FAT2: variants seen among roughly 807,000 people sequenced by gnomAD.
FAT2 encodes protocadherin Fat 2.
In FAT2, 150 loss-of-function variants were observed where a neutral mutation model predicts 295.3. The ratio of observed to expected loss-of-function variants is 0.51; its 90% confidence interval spans 0.44 to 0.58. The LOEUF is 0.58. Ranked by LOEUF, FAT2 falls within the 20% of genes least tolerant of loss-of-function variation. The pLI is 0.00. For missense variants in FAT2, 4,868 were observed against 5,442.7 expected (o/e 0.89, Z 3.32); for synonymous variants, 2,026 against 2,150.3 (o/e 0.94, Z 1.60).
At position 151,566,096 on chromosome 5, in the gene FAT2, A is replaced by C. The variant is rs764440998; in HGVS notation, c.2836T>G (p.Phe946Val). Residue 946 changes from phenylalanine to valine, a missense_variant, in exon 2 of 24, where the codon TTT becomes GTT. By Grantham distance (50) the Phe-to-Val change is conservative. Coordinates refer to ENST00000261800, the MANE Select transcript of FAT2 (RefSeq NM_001447.3). ...EDLPPGTVLT[F>V]LDASDPDLGP... ...AGGTCAGGATCAGAGGCATCCAGAA[A>C]TGTCAAGACAGTCCCGGGGGGCAGG... 5 of 1,614,116 alleles carry C rather than the reference A, an allele frequency of 3.1e-6. No homozygotes were observed. In the East Asian group the frequency reaches 1.1e-4, roughly 36 times the overall value.
Position 151,567,717 on chromosome 5 carries a change from T to A in FAT2, c.1215A>T (p.Gly405=). ...YVLKPSSENV[G]FKLNARTGLI... ...ACCCAGTTCGAGCATTAAGTTTAAA[T>A]CCTACATTCTCTGAAGATGGCTTTA... Residue 405 remains glycine, a synonymous_variant, in exon 2 of 24, where the codon GGA becomes GGT. Coordinates refer to ENST00000261800, the MANE Select transcript of FAT2 (RefSeq NM_001447.3). The A allele has an allele frequency of 6.2e-7, 1 of 1,614,158 alleles. No individual in the cohort carries two copies. Among genetic ancestry groups the A allele is most frequent in the Non-Finnish European group, 8.5e-7 (1 of 1,180,036 alleles).
intron 3 of FAT2, among the ~76,000 whole-genome samples, chr5:151,563,024 TG>T (rs1758087890): frequency 6.6e-6 from 1 of 152,178 alleles, no homozygotes. Flanking sequence ...TTAGTTTCCT[TG>T]GGCCCCAAGG....
At chr5:151,529,928 G>A (rs774587133) in intron 14 of FAT2, among the ~76,000 whole-genome samples, 5 of 152,226 alleles carry the variant, frequency 3.3e-5, no homozygotes, top group South Asian at 2.1e-4. Flanking sequence ...TGCCTTTCCC[G>A]GCTAACCAAA....
Position 151,507,215 on chromosome 5 carries a change from C to T in FAT2, c.12456G>A (p.Ala4152=), listed in dbSNP as rs748130207. 13 of 1,612,200 alleles carry T rather than the reference C, an allele frequency of 8.1e-6. No individual in the cohort carries two copies. The highest frequency in any genetic ancestry group is 1.3e-5 in the African/African-American group (1 of 74,886). The change falls in exon 23 of 24, where the codon GCG becomes GCA. Residue 4152 remains alanine, a synonymous_variant. Coordinates refer to ENST00000261800, the MANE Select transcript of FAT2 (RefSeq NM_001447.3). The part of the protein sequence containing the change: ...CSVPPRLPPA[A]VPSHSDNEPV... Reference sequence around the variant, plus strand: ...GCTCATTGTCAGAGTGGGAAGGGACCGCAGCTGGCGGGAGTCTGGGGGGCA... The same window carrying T: ...GCTCATTGTCAGAGTGGGAAGGGACTGCAGCTGGCGGGAGTCTGGGGGGCA...
intron 12 of FAT2, among the ~76,000 whole-genome samples, chr5:151,537,321 GAA>G (rs759472487): frequency 4.4e-5 from 1 of 22,534 alleles, no homozygotes; most frequent in African/African-American, 1.9e-4. Flanking sequence ...AAAAGAAAGA[GAA>G]AAAAAGAAAG....
Position 151,531,657 on chromosome 5 carries a change from G to T in FAT2, c.9741C>A (p.Gly3247=), listed in dbSNP as rs772008822. The change falls in exon 14 of 24, where the codon GGC becomes GGA. Residue 3247 remains glycine (G), a synonymous_variant. Transcript: ENST00000261800. The surrounding 1 kb of genome is among the most constrained non-coding windows in gnomAD (Gnocchi z 5.7). ...VLQLATLTRP[G]AEKTGYRVVS... ...CCACGCGGTAGCCGGTCTTCTCTGC[G>T]CCCGGGCGAGTGAGGGTGGCCAGCT... The T allele has an allele frequency of 9.3e-6, 15 of 1,613,612 alleles. No individual in the cohort carries two copies. Among genetic ancestry groups the T allele is most frequent in the Non-Finnish European group, 1.3e-5 (15 of 1,179,930 alleles).
intron 1 of FAT2, among the ~76,000 whole-genome samples, chr5:151,582,531 G>A (rs1227398850): frequency 6.6e-6 from 1 of 152,162 alleles, no homozygotes; most frequent in Non-Finnish European, 1.5e-5. Flanking sequence ...TGTTCAACAA[G>A]TTCCCTGGGT....
In FAT2 at chr5:151,530,265, A is replaced by G. The variant is rs558222627; in HGVS notation, c.9812-873T>C. Among the ~76,000 whole-genome samples, 8 of 150,282 alleles carry G rather than the reference A, an allele frequency of 5.3e-5. No individual in the cohort carries two copies. In the South Asian group the frequency reaches 1.7e-3, roughly 32 times the overall value. On this transcript the variant is annotated intron_variant, in intron 14 of 23. Transcript: ENST00000261800. ...TCTTAACACCAGAAAAAAAAAAAAA[A>G]GCCAGTTAGCTCTTATGTGCGTCCA...
rs1328231526 is a variant in FAT2, at chr5:151,566,879, G to A, written c.2053C>T (p.His685Tyr). ...VLTQFTKTIL[H>Y]FIGLQNQESS... ...TCCTGGTTCTGAAGCCCAATAAAGT[G>A]GAGGATAGTCTTTGTGAATTGTGTC... The change falls in exon 2 of 24, where the codon CAC becomes TAC. Residue 685 changes from histidine (H) to tyrosine (Y), a missense_variant. His to Tyr is a moderately conservative substitution (Grantham distance 83). Coordinates refer to ENST00000261800, the MANE Select transcript of FAT2 (RefSeq NM_001447.3). 1.9e-6 allele frequency: 3 copies of A among 1,614,168 alleles called. No individual in the cohort carries two copies. Among genetic ancestry groups the A allele is most frequent in the South Asian group, 1.1e-5 (1 of 91,090 alleles).
chr5:151,529,751 A>G (rs2127589221), intron 14 of FAT2, among the ~76,000 whole-genome samples: 1 of 152,342 alleles, frequency 6.6e-6, no homozygotes, highest in Middle Eastern at 3.4e-3. Context: ...ATTGACCTAG[A>G]TGCTCTAATA....
chr5:151,591,415 G>C (rs780998458), upstream of FAT2, among the ~76,000 whole-genome samples: 1 of 152,192 alleles, frequency 6.6e-6, no homozygotes, highest in Non-Finnish European at 1.5e-5. Flanking sequence ...TCTGTCTCAC[G>C]GAGAGGGAGG....
At chr5:151,558,686 G>T (rs1561868133) in intron 3 of FAT2, among the ~76,000 whole-genome samples, 1 of 152,066 alleles carries the variant, frequency 6.6e-6, no homozygotes, top group Non-Finnish European at 1.5e-5. Context: ...AAACCATGAA[G>T]TGACAGCATT....
chr5:151,592,685 C>T (rs1181003443), upstream of FAT2, among the ~76,000 whole-genome samples: 1 of 152,178 alleles, frequency 6.6e-6, no homozygotes, highest in Non-Finnish European at 1.5e-5. Flanking sequence ...TTTGTTAAGT[C>T]TCTGTCTCCG....
intron 1 of FAT2, among the ~76,000 whole-genome samples, chr5:151,586,510 G>C (rs1033225282): frequency 3.9e-5 from 6 of 152,140 alleles, no homozygotes; most frequent in African/African-American, 1.4e-4. Context: ...TTAATCAATG[G>C]GTAGTGGTGG....
At chr5:151,526,145 G>T (rs1753959697) in intron 17 of FAT2, among the ~76,000 whole-genome samples, 180 bp from the exon 18 acceptor site, 1 of 152,192 alleles carries the variant, frequency 6.6e-6, no homozygotes, top group South Asian at 2.1e-4. Context: ...TGTTGACTTT[G>T]CTGTCTAGAC....
upstream of FAT2, among the ~76,000 whole-genome samples, chr5:151,592,524 T>C (rs867106547): frequency 5.1e-4 from 77 of 152,174 alleles, no homozygotes; most frequent in Middle Eastern, 6.8e-3. Flanking sequence ...GCTTATCACC[T>C]CTCCCAGCAA....
rs960322457 is a variant in FAT2, at chr5:151,554,776, C to T, written c.3634-103G>A. ...TAGTCACTTTGTTCTTTGGTATGAG[C>T]TTGTACTTTTTATTATCATAACTTC... On this transcript the variant is annotated intron_variant, in intron 4 of 23. Transcript: ENST00000261800. 4 of 912,016 alleles carry T rather than the reference C, an allele frequency of 4.4e-6. No individual in the cohort carries two copies. The African/African-American group carries it at 6.9e-5, about 16-fold the overall frequency. The allele number at this position is 912,016 out of a possible 1,614,324, so 56.5% of individuals were successfully genotyped here.
At position 151,563,398 on chromosome 5, in the gene FAT2, G is replaced by A. The variant is rs2127641645; in HGVS notation, c.3501C>T (p.Ser1167=). The change falls in exon 3 of 24, where the codon AGC becomes AGT. Residue 1167 remains serine, a synonymous_variant. Coordinates refer to ENST00000261800, the MANE Select transcript of FAT2 (RefSeq NM_001447.3). ...TGTTGAAGGTCAGCTTCCCTTTGGA[G>A]CTGGAGTCTGGGTCCCAGGCATCCA... The part of the protein sequence containing the change: ...LQLDAWDPDS[S]SKGKLTFNIT... The A allele has an allele frequency of 6.2e-7, 1 of 1,614,218 alleles. No individual in the cohort carries two copies. The highest frequency in any genetic ancestry group is 8.5e-7 in the Non-Finnish European group (1 of 1,180,030).
At chr5:151,549,779 C>T (rs1208443668) in intron 8 of FAT2, among the ~76,000 whole-genome samples, 1 of 152,138 alleles carries the variant, frequency 6.6e-6, no homozygotes, top group Non-Finnish European at 1.5e-5. Flanking sequence ...TTCCAAATTA[C>T]ATCTCAGAGA....
Sources: allele counts gnomAD v4.1 joint callset (sites outside exome capture counted in the v4.1 genomes callset), GRCh38; gene constraint gnomAD v4.1.1; non-coding constraint Gnocchi (gnomAD v3.1); transcripts MANE v1.5; gene names NCBI Gene and HGNC (gene_info 2026-07-23, HGNC 2026-07-21).